Variants in STAU2 observed in about 807,000 individuals in gnomAD.
STAU2 encodes the protein double-stranded RNA-binding protein Staufen homolog 2.
In STAU2, 20 loss-of-function variants were observed where a neutral mutation model predicts 65.9. The ratio of observed to expected loss-of-function variants is 0.30; its 90% CI spans 0.21 to 0.44. STAU2 has a LOEUF of 0.44. STAU2 is among the 20% of genes least tolerant of loss of function. The pLI is 1.00. For missense variants in STAU2, 558 were observed against 683.9 expected, an observed-to-expected ratio of 0.82 and a Z score of 2.05; for synonymous variants, 232 against 233.9, an observed-to-expected ratio of 0.99 and a Z score of 0.07.
intron 6 of STAU2, among the ~76,000 whole-genome samples, chr8:73,651,029 C>T (rs1020140135): frequency 2.0e-5 from 3 of 152,208 alleles, no homozygotes; most frequent in African/African-American, 7.2e-5. Flanking sequence ...CCCTCCTCCT[C>T]CCCACCTTGT....
At chr8:73,433,005 G>T (rs1659621141) in intron 13 of STAU2, among the ~76,000 whole-genome samples, 1 of 152,184 alleles carries the variant, frequency 6.6e-6, no homozygotes, top group Non-Finnish European at 1.5e-5. Context: ...TATTTCTGCA[G>T]TCAAGCTCTT....
chr8:73,528,972 G>T (rs759941869), intron 13 of STAU2, among the ~76,000 whole-genome samples: 3 of 152,080 alleles, frequency 2.0e-5, no homozygotes, highest in Non-Finnish European at 4.4e-5. Flanking sequence ...AACCAGTAGG[G>T]TTGTTAAGAA....
Position 73,603,809 on chromosome 8 carries a change from G to T in STAU2, c.946C>A (p.Gln316Lys). The T allele has an allele frequency of 1.2e-6, 2 of 1,612,038 alleles. No individual in the cohort carries two copies. Among genetic ancestry groups the T allele is most frequent in the Non-Finnish European group, 1.7e-6 (2 of 1,179,856 alleles). ...MNPISRLAQI[Q>K]QAKKEKEPDY... ...GGCTCCTTTTCCTTTTTGGCCTGTT[G>T]AATTTGCGCCAGGCGGCTAATAGGG... The change falls in exon 10 of 15, where the codon CAA (glutamine) becomes AAA (lysine). Residue 316 changes from glutamine (Q) to lysine (K), a missense_variant. Gln to Lys is a moderately conservative substitution (Grantham distance 53, BLOSUM62 1). Coordinates refer to ENST00000524300, the MANE Select transcript of STAU2 (RefSeq NM_001164380.2).
chr8:73,741,972 A>AT (rs1806916068), intron 1 of STAU2, among the ~76,000 whole-genome samples: 1 of 152,256 alleles, frequency 6.6e-6, no homozygotes, highest in East Asian at 1.9e-4. Context: ...ACTAATGTCT[A>AT]TAACAGCACT....
chr8:73,575,401 A>C (rs1563433421), intron 12 of STAU2, among the ~76,000 whole-genome samples: 1 of 152,188 alleles, frequency 6.6e-6, no homozygotes, highest in Non-Finnish European at 1.5e-5. Flanking sequence ...TAGAGACGTA[A>C]ACTGCTGTCT....
At chr8:73,551,309 A>G in intron 13 of STAU2, 9 of 987,456 alleles carry the variant, frequency 9.1e-6, no homozygotes, top group Non-Finnish European at 1.1e-5. Flanking sequence ...ATTCACATAC[A>G]CAACAAGTTA....
At chr8:73,625,880 G>T (rs1179603687) in intron 6 of STAU2, among the ~76,000 whole-genome samples, 1 of 152,004 alleles carries the variant, frequency 6.6e-6, no homozygotes, top group Non-Finnish European at 1.5e-5. Flanking sequence ...AAGTGTAAAA[G>T]ACCTCCCTTT....
At chr8:73,496,754 T>C (rs1057498256) in intron 13 of STAU2, among the ~76,000 whole-genome samples, 2 of 151,732 alleles carry the variant, frequency 1.3e-5, no homozygotes, top group Admixed American at 6.6e-5. Context: ...ACTGAGATCA[T>C]TTACATTCTT....
intron 6 of STAU2, among the ~76,000 whole-genome samples, chr8:73,638,932 GTTGA>G (rs1320811026): frequency 6.6e-6 from 1 of 150,710 alleles, no homozygotes; most frequent in African/African-American, 2.4e-5. Context: ...AACAGAAATA[GTTGA>G]TTAATATGAA....
intron 13 of STAU2, among the ~76,000 whole-genome samples, chr8:73,437,168 G>T (rs913553487): frequency 6.6e-6 from 1 of 152,256 alleles, no homozygotes; most frequent in Admixed American, 6.5e-5. Flanking sequence ...GGCCCCCAAA[G>T]ATGCCCATGT....
In STAU2 at chr8:73,566,121, C is replaced by G. The variant is rs533893032; in HGVS notation, c.1223-13802G>C. On this transcript the variant is annotated intron_variant, in intron 12 of 14. Transcript: ENST00000524300. ...ATTCTCCTTATCATGCTTTCTTCAT[C>G]TGTAAGATGAATTAGTCTTAAGGAA... Among the ~76,000 whole-genome samples the G allele has an allele frequency of 1.8e-4, 28 of 152,334 alleles. 1 individual carries two copies. The South Asian group carries it at 5.8e-3, about 32-fold the overall frequency.
chr8:73,746,749 G>C, intron 1 of STAU2, 34 bp downstream of exon 1: 2 of 1,192,844 alleles, frequency 1.7e-6, no homozygotes, highest in Admixed American at 8.5e-5. Flanking sequence ...GCGGAAGTCG[G>C]GGTCTCCCGG....
At chr8:73,536,366 G>C (rs1184168979) in intron 13 of STAU2, among the ~76,000 whole-genome samples, 1 of 152,114 alleles carries the variant, frequency 6.6e-6, no homozygotes, top group African/African-American at 2.4e-5. Context: ...AAGAAAGTCT[G>C]CTCTTTCTAA....
At chr8:73,507,840 T>C (rs1380942238) in intron 13 of STAU2, among the ~76,000 whole-genome samples, 2 of 152,234 alleles carry the variant, frequency 1.3e-5, no homozygotes, top group Non-Finnish European at 2.9e-5. Context: ...CATCAGCATT[T>C]GCTGCTTCCC....
At chr8:73,690,371 AC>A (rs1586280805) in intron 4 of STAU2, among the ~76,000 whole-genome samples, 1 of 151,226 alleles carries the variant, frequency 6.6e-6, no homozygotes, top group East Asian at 1.9e-4. Context: ...ACATGAAAAG[AC>A]ATGATAAATA....
intron 13 of STAU2, among the ~76,000 whole-genome samples, chr8:73,502,268 G>GAA (rs11433477): frequency 6.6e-6 from 1 of 151,662 alleles, no homozygotes; most frequent in East Asian, 1.9e-4. Context: ...AGAAGCACCA[G>GAA]AAAAAAAATT....
intron 3 of STAU2, among the ~76,000 whole-genome samples, chr8:73,717,648 T>C (rs572375207): frequency 1.2e-4 from 19 of 152,024 alleles, no homozygotes; most frequent in South Asian, 8.3e-4. Flanking sequence ...TTGTTGTTGT[T>C]GTTGTTGTTG....
At chr8:73,710,425 C>G (rs1820812331) in intron 3 of STAU2, among the ~76,000 whole-genome samples, 2 of 136,582 alleles carry the variant, frequency 1.5e-5, no homozygotes, top group Middle Eastern at 3.9e-3. Context: ...CTTTTATGGT[C>G]TGTGCTTTTT....
intron 4 of STAU2, among the ~76,000 whole-genome samples, chr8:73,694,943 A>G (rs1819602404): frequency 6.6e-6 from 1 of 152,246 alleles, no homozygotes; most frequent in Admixed American, 6.5e-5. Flanking sequence ...ATTGCCCATC[A>G]TAGCAGTTGG....
Sources: allele counts gnomAD v4.1 joint callset (sites outside exome capture counted in the v4.1 genomes callset), GRCh38; gene constraint gnomAD v4.1.1; transcripts MANE v1.5; gene names NCBI Gene and HGNC (gene_info 2026-07-23, HGNC 2026-07-21).